Variants in RGS22 observed in about 807,000 individuals in gnomAD.
RGS22 encodes regulator of G-protein signaling 22.
In RGS22, 148 loss-of-function variants were observed where a neutral mutation model predicts 172.9. The ratio of observed to expected loss-of-function variants is 0.86; its 90% confidence interval spans 0.75 to 0.98. The LOEUF (loss-of-function observed/expected upper bound fraction) is 0.98, where lower values mean the gene tolerates loss of function less well. Ranked by LOEUF, RGS22 falls within the 50% of genes least tolerant of loss-of-function variation. The probability of loss-of-function intolerance (pLI) is 0.00; values close to 1 mark genes in which losing one functional copy is unlikely to be tolerated. For missense variants in RGS22, 1,347 were observed against 1,440.8 expected (o/e 0.93, Z 1.05); for synonymous variants, 458 against 480.2 (o/e 0.95, Z 0.60).
chr8:100,065,851 G>A (rs1168686698), intron 7 of RGS22, among the ~76,000 whole-genome samples: 2 of 152,066 alleles, frequency 1.3e-5, no homozygotes, highest in Non-Finnish European at 2.9e-5. Context: ...TAGGTACCAA[G>A]CACCAGGCCA....
chr8:99,991,650 C>T (rs988995092), intron 20 of RGS22, among the ~76,000 whole-genome samples: 5 of 152,098 alleles, frequency 3.3e-5, no homozygotes, highest in African/African-American at 1.2e-4. Context: ...GATTGGTGTA[C>T]CTGAAAGTGA....
rs192118008 is a variant in RGS22, at chr8:99,991,239, C to A, written c.3019-3620G>T. Among the ~76,000 whole-genome samples the A allele has an allele frequency of 1.8e-3, 267 of 152,230 alleles. 1 individual carries two copies. Among genetic ancestry groups the A allele is most frequent in the African/African-American group, 5.9e-3 (243 of 41,534 alleles). On this transcript the variant is annotated intron_variant, in intron 20 of 27. Coordinates refer to ENST00000360863, the MANE Select transcript of RGS22 (RefSeq NM_015668.5). Reference sequence around the variant, plus strand: ...AAGGATCGCAGCTCCTCACCAGCAACGGAATAAAGCAGGATGGACAATGAC... The same window carrying A: ...AAGGATCGCAGCTCCTCACCAGCAAAGGAATAAAGCAGGATGGACAATGAC...
chr8:100,081,026 T>G (rs1013390505), intron 3 of RGS22, among the ~76,000 whole-genome samples: 1 of 152,162 alleles, frequency 6.6e-6, no homozygotes, highest in Non-Finnish European at 1.5e-5. Context: ...CTGAACATTT[T>G]TGGGGCCTCC....
chr8:99,972,771 C>G (rs750587186), intron 23 of RGS22, among the ~76,000 whole-genome samples: 3 of 152,090 alleles, frequency 2.0e-5, no homozygotes, highest in South Asian at 4.1e-4. Context: ...TGGTGGCTCA[C>G]GCCTGTAATC....
At chr8:99,967,333 GT>G (rs1181136717) in intron 23 of RGS22, among the ~76,000 whole-genome samples, 184 of 142,770 alleles carry the variant, frequency 1.3e-3, no homozygotes, top group African/African-American at 2.9e-3. Context: ...CCGGGAGTTT[GT>G]TTTTTTTTTT....
chr8:100,064,175 G>A, intron 7 of RGS22, 132 bp from the exon 8 acceptor site: 1 of 645,364 alleles, frequency 1.5e-6, no homozygotes, highest in Non-Finnish European at 2.4e-6. Context: ...GGTGTCTTAA[G>A]AAGGATTCTG....
At chr8:100,060,423 C>T (rs202231843) in intron 9 of RGS22, among the ~76,000 whole-genome samples, 1,079 of 67,060 alleles carry the variant, frequency 0.016, 4 homozygotes, top group South Asian at 0.022. Context: ...TATATATATA[C>T]ACACACACAC....
At chr8:100,024,879 A>C (rs1268635277) in intron 14 of RGS22, among the ~76,000 whole-genome samples, 1 of 152,160 alleles carries the variant, frequency 6.6e-6, no homozygotes, top group Non-Finnish European at 1.5e-5. Context: ...AAAATTATCC[A>C]TATAAAGTTA....
At chr8:100,089,211 A>AACACACACACACACAC (rs58302018) in intron 3 of RGS22, among the ~76,000 whole-genome samples, 20 of 144,610 alleles carry the variant, frequency 1.4e-4, no homozygotes, top group African/African-American at 5.0e-4. Context: ...CACACACACA[A>AACACACACACACACAC]ACACACACAC....
chr8:99,977,849 T>C, intron 23 of RGS22, 68 bp downstream of exon 23: 1 of 1,318,794 alleles, frequency 7.6e-7, no homozygotes, highest in East Asian at 2.6e-5. Context: ...GACAAAATTA[T>C]TCTATAATTC....
At chr8:100,016,190 T>C (rs1816926693) in intron 14 of RGS22, among the ~76,000 whole-genome samples, 1 of 152,194 alleles carries the variant, frequency 6.6e-6, no homozygotes, top group South Asian at 2.1e-4. Flanking sequence ...TTCTCAGTCA[T>C]ATTAATTGAA....
intron 22 of RGS22, among the ~76,000 whole-genome samples, chr8:99,980,239 T>G (rs1046899170): frequency 3.9e-5 from 6 of 152,130 alleles, no homozygotes; most frequent in African/African-American, 1.4e-4. Flanking sequence ...GCACCGGAAT[T>G]GAAATATTTT....
At chr8:100,101,591 C>T (rs1813494699) in intron 2 of RGS22, among the ~76,000 whole-genome samples, 1 of 151,554 alleles carries the variant, frequency 6.6e-6, no homozygotes, top group Non-Finnish European at 1.5e-5. Flanking sequence ...CTGCGCCCAG[C>T]CCTAAATTTT....
At position 99,967,836 on chromosome 8, in the gene RGS22, G is replaced by A. The variant is rs1488253514; in HGVS notation, c.3520-2406C>T. On this transcript the variant is annotated intron_variant, in intron 23 of 27. Coordinates refer to ENST00000360863, the MANE Select transcript of RGS22 (RefSeq NM_015668.5). ...CAGACTTAAACATTCCTGCCTGCCA[G>A]CTCTGAAGAGAGCAAAAGATCTCCC... is the stretch of plus-strand genomic sequence containing the variant. 2.6e-5 allele frequency among the ~76,000 whole-genome samples: 4 copies of A among 152,220 alleles called. No individual in the cohort carries two copies. The East Asian group carries it at 5.8e-4, about 22-fold the overall frequency.
At chr8:100,094,475 G>A (rs1256450220) in intron 2 of RGS22, among the ~76,000 whole-genome samples, 1 of 152,096 alleles carries the variant, frequency 6.6e-6, no homozygotes, top group Non-Finnish European at 1.5e-5. Flanking sequence ...TGGATTTTCA[G>A]GGTAATTTCT....
intron 20 of RGS22, among the ~76,000 whole-genome samples, chr8:99,991,873 C>T (rs112862162): frequency 2.6e-5 from 4 of 152,232 alleles, no homozygotes; most frequent in East Asian, 3.9e-4. Context: ...AGAGAAATGT[C>T]GAGTTACCCA....
chr8:99,975,193 A>C (rs1811801723), intron 23 of RGS22, among the ~76,000 whole-genome samples: 1 of 152,062 alleles, frequency 6.6e-6, no homozygotes, highest in Non-Finnish European at 1.5e-5. Context: ...GTCACTATGC[A>C]TAGATGGTAT....
intron 2 of RGS22, among the ~76,000 whole-genome samples, chr8:100,099,633 A>G (rs561338677): frequency 6.6e-6 from 1 of 152,330 alleles, no homozygotes; most frequent in South Asian, 2.1e-4. Flanking sequence ...TTATTTACCA[A>G]CTTATCAATG....
chr8:100,064,085 C>T (rs777966936), intron 7 of RGS22, 42 bp from the exon 8 acceptor site: 4 of 1,361,156 alleles, frequency 2.9e-6, no homozygotes, highest in Non-Finnish European at 3.9e-6. Context: ...GATATGAATA[C>T]AAACCTTTCT....
Sources: allele counts gnomAD v4.1 joint callset (sites outside exome capture counted in the v4.1 genomes callset), GRCh38; gene constraint gnomAD v4.1.1; transcripts MANE v1.5; gene names NCBI Gene and HGNC (gene_info 2026-07-23, HGNC 2026-07-21).